KCNN3: variants seen among roughly 807,000 people sequenced by gnomAD.
KCNN3 encodes the protein small conductance calcium-activated potassium channel protein 3.
A neutral mutation model predicts 62.9 loss-of-function variants in KCNN3; 16 were observed. The observed-to-expected ratio is 0.25, with a 90% CI of 0.17 to 0.39. The LOEUF (loss-of-function observed/expected upper bound fraction) is 0.39, where lower values mean the gene tolerates loss of function less well. Ranked by LOEUF, KCNN3 falls within the 10% of genes least tolerant of loss-of-function variation. KCNN3 has a pLI of 1.00. For missense variants in KCNN3, 599 were observed against 949.4 expected, an observed-to-expected ratio of 0.63 and a Z score of 4.85; for synonymous variants, 370 against 389.2, an observed-to-expected ratio of 0.95 and a Z score of 0.58.
At chr1:154,736,361 G>C (rs1700711236) in intron 3 of KCNN3, among the ~76,000 whole-genome samples, 1 of 152,242 alleles carries the variant, frequency 6.6e-6, no homozygotes, top group South Asian at 2.1e-4. Context: ...CAGTGGAGTG[G>C]TGAGGCATTC....
At chr1:154,817,834 A>G (rs1650728694) in intron 2 of KCNN3, among the ~76,000 whole-genome samples, 1 of 152,206 alleles carries the variant, frequency 6.6e-6, no homozygotes, top group African/African-American at 2.4e-5. Flanking sequence ...CTAGAAGAAC[A>G]TTATTAAATA....
rs186349338 is a variant in KCNN3 at position 154,754,311 on chromosome 1, G to A, written c.1448+17664C>T. Among the ~76,000 whole-genome samples the A allele has an allele frequency of 1.2e-3, 182 of 152,230 alleles. 1 individual carries two copies. The highest frequency in any genetic ancestry group is 4.1e-3 in the African/African-American group (172 of 41,542). ...GGAAGAGATGACTTCAAGCGACACC[G>A]CAGAATAAGAACCATAGAGCTTGGT... On this transcript the variant is annotated intron_variant, in intron 3 of 7. Transcript: ENST00000271915.
intron 1 of KCNN3, among the ~76,000 whole-genome samples, chr1:154,832,485 G>A (rs1000166767): frequency 2.0e-5 from 3 of 151,838 alleles, no homozygotes; most frequent in African/African-American, 4.8e-5. Context: ...CCCTCCTAGC[G>A]CCTCCCAGAA....
At chr1:154,821,531 G>C (rs1650893714) in intron 2 of KCNN3, among the ~76,000 whole-genome samples, 1 of 152,134 alleles carries the variant, frequency 6.6e-6, no homozygotes, top group Admixed American at 6.5e-5. Flanking sequence ...GTCACTCCTG[G>C]GCAGCAAGAA....
intron 2 of KCNN3, among the ~76,000 whole-genome samples, chr1:154,807,524 A>C (rs1335025592): frequency 6.6e-6 from 1 of 152,196 alleles, no homozygotes; most frequent in East Asian, 1.9e-4. Flanking sequence ...GGCGGTTTCC[A>C]GCCACCCCAC....
In KCNN3 at chr1:154,702,700, GATATATATATATAT is replaced by G. The variant is rs67091748; in HGVS notation, c.*5262_*5275del. The G allele has an allele frequency of 0.012, 509 of 43,086 alleles. 6 individuals are homozygous for G. Among genetic ancestry groups the G allele is most frequent in the Middle Eastern group, 0.022 (2 of 92 alleles). 2.7% of individuals were successfully genotyped at this position (43,086 alleles called of 1,614,324 possible). On this transcript the variant is annotated 3_prime_UTR_variant, in exon 8 of 8. Transcript: ENST00000271915. Reference sequence around the variant, plus strand: ...ACGTTGGCTGCTTCGATCTGATTCAGATATATATATATATATATATATATATATATATATATATA... The same window carrying G: ...ACGTTGGCTGCTTCGATCTGATTCAGATATATATATATATATATATATATA...
At chr1:154,781,896 G>A (rs1212371780) in intron 2 of KCNN3, among the ~76,000 whole-genome samples, 2 of 152,140 alleles carry the variant, frequency 1.3e-5, no homozygotes, top group Non-Finnish European at 2.9e-5. Flanking sequence ...ATTTTAGAGA[G>A]TGATGCCTGC....
At chr1:154,859,530 G>A (rs186014090) in intron 1 of KCNN3, among the ~76,000 whole-genome samples, 1 of 152,302 alleles carries the variant, frequency 6.6e-6, no homozygotes, top group East Asian at 1.9e-4. Context: ...AACCAACGGT[G>A]GCAGATGGAC....
chr1:154,733,029 C>T lies in KCNN3; in HGVS notation c.1564G>A (p.Gly522Ser). Residue 522 changes from glycine to serine, a missense_variant, in exon 4 of 8, where the codon GGT (glycine) becomes AGT (serine). Physicochemically the swap from Gly to Ser is moderately conservative, Grantham distance 56 (BLOSUM62 0). Transcript: ENST00000271915. ...DMVPHTYCGKGVCLLTGIMGA... is the reference protein window; with the variant it reads ...DMVPHTYCGKSVCLLTGIMGA... ...ATGATGCCAGTGAGGAGACAGACAC[C>T]TTTCCCACAGTATGTGTGGGGCACC... 6.2e-7 allele frequency: 1 copy of T among 1,614,118 alleles called. No homozygotes were observed. Among genetic ancestry groups the T allele is most frequent in the Non-Finnish European group, 8.5e-7 (1 of 1,179,970 alleles).
intron 2 of KCNN3, among the ~76,000 whole-genome samples, chr1:154,781,479 C>T (rs1269720149): frequency 6.6e-6 from 1 of 152,180 alleles, no homozygotes; most frequent in Non-Finnish European, 1.5e-5. Flanking sequence ...CAGACAAATT[C>T]AGAGCTGTTG....
intron 2 of KCNN3, among the ~76,000 whole-genome samples, chr1:154,779,143 A>G (rs1451360365): frequency 6.6e-6 from 1 of 152,180 alleles, no homozygotes; most frequent in Non-Finnish European, 1.5e-5. Flanking sequence ...TGAGACCAGC[A>G]GAAGAACCAC....
chr1:154,780,596 TTATATA>T (rs375053074), intron 2 of KCNN3, among the ~76,000 whole-genome samples: 4 of 146,248 alleles, frequency 2.7e-5, no homozygotes, highest in African/African-American at 1.0e-4. Flanking sequence ...GTTTTATATT[TTATATA>T]TATATATATA....
At position 154,850,047 on chromosome 1, in the gene KCNN3, G is replaced by A. The variant is rs533952077; in HGVS notation, c.933+18985C>T. On this transcript the variant is annotated intron_variant, in intron 1 of 7. Transcript: ENST00000271915. The stretch of plus-strand genomic sequence containing the variant: ...GTTCTCCCTCACTCCCATTCTGGCA[G>A]GCGCTTCTTTCTCCCCTACTCATGC... Among the ~76,000 whole-genome samples the A allele has an allele frequency of 1.0e-3, 157 of 152,250 alleles. 1 individual carries two copies. Among genetic ancestry groups the A allele is most frequent in the African/African-American group, 3.7e-3 (152 of 41,562 alleles).
intron 4 of KCNN3, among the ~76,000 whole-genome samples, chr1:154,732,590 C>T (rs563987178): frequency 1.4e-4 from 22 of 152,278 alleles, no homozygotes; most frequent in African/African-American, 4.8e-4. Context: ...TAAACATGAT[C>T]AGAAATGGTG....
chr1:154,714,793 C>A, intron 6 of KCNN3, 83 bp downstream of exon 6: 1 of 1,565,136 alleles, frequency 6.4e-7, no homozygotes, highest in Non-Finnish European at 8.8e-7. Context: ...GAATGGATTT[C>A]TTCTGTGCTA....
rs940308813 is a variant in KCNN3, at chr1:154,727,228, G to A, written c.1591-1202C>T. Among the ~76,000 whole-genome samples the A allele has an allele frequency of 4.6e-5, 7 of 152,200 alleles. No homozygotes were observed. In the East Asian group the frequency reaches 7.7e-4, roughly 17 times the overall value. ...GATGAACTTATTAAAGCCAACAACC[G>A]AATCCTGTATGTCAAACAGTAATTC... On this transcript the variant is annotated intron_variant, in intron 4 of 7. Coordinates refer to ENST00000271915, the MANE Select transcript of KCNN3 (RefSeq NM_002249.6).
At chr1:154,820,617 TA>T (rs1300210887) in intron 2 of KCNN3, among the ~76,000 whole-genome samples, 6 of 152,208 alleles carry the variant, frequency 3.9e-5, no homozygotes, top group African/African-American at 1.4e-4. Context: ...TCCGTGGCCC[TA>T]GTCCTCCCTG....
Position 154,869,255 on chromosome 1 carries a change from G to A in KCNN3, c.710C>T (p.Pro237Leu). The change falls in exon 1 of 8, where the codon CCT becomes CTT. Residue 237 changes from proline to leucine, a missense_variant. Pro to Leu is a moderately conservative substitution (Grantham distance 98, BLOSUM62 -3). Coordinates refer to ENST00000271915, the MANE Select transcript of KCNN3 (RefSeq NM_002249.6). The surrounding 1 kb of genome is among the most constrained non-coding windows in gnomAD (Gnocchi z 6.1). ...ATGCTGGTGGTTGTGGGTGGCATTA[G>A]GGTGATGGAGCAGGGTCTGGTGGGC... ...NHAHQTLLHH[P>L]NATHNHQHAG... The A allele has an allele frequency of 6.2e-7, 1 of 1,614,076 alleles. No homozygotes were observed. The highest frequency in any genetic ancestry group is 8.5e-7 in the Non-Finnish European group (1 of 1,180,010).
At chr1:154,755,703 AGAAGAG>A (rs1276850152) in intron 3 of KCNN3, among the ~76,000 whole-genome samples, 2 of 150,680 alleles carry the variant, frequency 1.3e-5, no homozygotes, top group East Asian at 2.0e-4. Flanking sequence ...AGGGAGAAGA[AGAAGAG>A]GAAGAGGAAG....
Sources: allele counts gnomAD v4.1 joint callset (sites outside exome capture counted in the v4.1 genomes callset), GRCh38; gene constraint gnomAD v4.1.1; non-coding constraint Gnocchi (gnomAD v3.1); transcripts MANE v1.5; gene names NCBI Gene and HGNC (gene_info 2026-07-23, HGNC 2026-07-21).